Variants in BORCS5 observed in about 807,000 individuals in gnomAD.
BORCS5 encodes BLOC-1-related complex subunit 5.
In BORCS5, 17 loss-of-function variants were observed where a neutral mutation model predicts 22.1. That is an observed-to-expected ratio of 0.77 (90% CI 0.53 to 1.15). The LOEUF (loss-of-function observed/expected upper bound fraction) is 1.15. BORCS5 is among the 50% of genes most tolerant of loss of function. BORCS5 has a pLI of 0.00. For synonymous variants in BORCS5, 117 were observed against 99.8 expected, an observed-to-expected ratio of 1.17 and a Z score of -1.03; for missense variants, 247 against 253.2, an observed-to-expected ratio of 0.98 and a Z score of 0.17.
At chr12:12,420,174 T>C (rs1184541386) in intron 2 of BORCS5, among the ~76,000 whole-genome samples, 12 of 146,314 alleles carry the variant, frequency 8.2e-5, no homozygotes, top group African/African-American at 3.0e-4. Context: ...TTTTTATGGT[T>C]TTAGGTCTAA....
At chr12:12,437,282 C>A (rs1247521761) in intron 3 of BORCS5, among the ~76,000 whole-genome samples, 2 of 152,188 alleles carry the variant, frequency 1.3e-5, no homozygotes, top group African/African-American at 2.4e-5. Flanking sequence ...TGCCTGCCGC[C>A]ATGTAAGATG....
chr12:12,445,944 C>T (rs943060196), intron 3 of BORCS5, among the ~76,000 whole-genome samples: 3 of 151,790 alleles, frequency 2.0e-5, no homozygotes, highest in Non-Finnish European at 4.4e-5. Context: ...TACCTAGCTT[C>T]TGTTTTGTTT....
chr12:12,420,317 T>G (rs1451452905), intron 2 of BORCS5, among the ~76,000 whole-genome samples: 3 of 152,186 alleles, frequency 2.0e-5, no homozygotes, highest in South Asian at 2.1e-4. Flanking sequence ...TTTCCCCATT[T>G]CTTGTTTTTA....
chr12:12,452,763 A>T (rs536311708), intron 3 of BORCS5, among the ~76,000 whole-genome samples: 1 of 152,236 alleles, frequency 6.6e-6, no homozygotes, highest in Non-Finnish European at 1.5e-5. Flanking sequence ...CGTCCAGGAA[A>T]GATTCATACT....
At chr12:12,429,966 A>C (rs1942380244) in intron 2 of BORCS5, among the ~76,000 whole-genome samples, 1 of 151,958 alleles carries the variant, frequency 6.6e-6, no homozygotes, top group Admixed American at 6.6e-5. Context: ...TTTTCCTCCT[A>C]ATATCTTCCT....
intron 2 of BORCS5, among the ~76,000 whole-genome samples, chr12:12,408,576 C>A (rs781130274): frequency 2.0e-5 from 3 of 152,216 alleles, no homozygotes; most frequent in Non-Finnish European, 4.4e-5. Flanking sequence ...CCTCCCAGCC[C>A]TGGTAACCAC....
chr12:12,458,385 G>T (rs1017330665), intron 3 of BORCS5, among the ~76,000 whole-genome samples: 1 of 151,862 alleles, frequency 6.6e-6, no homozygotes, highest in African/African-American at 2.4e-5. Flanking sequence ...CCCAAATTTT[G>T]GATTTTTTCT....
intron 2 of BORCS5, among the ~76,000 whole-genome samples, chr12:12,416,900 G>A (rs139069205): frequency 1.1e-3 from 160 of 149,510 alleles, no homozygotes; most frequent in African/African-American, 3.1e-3. Context: ...TCCTGCCTCA[G>A]CCTCCAGAGC....
At position 12,468,877 on chromosome 12, in the gene BORCS5, G is replaced by T. The variant is rs1365264295; in HGVS notation, c.*3101G>T. On this transcript the variant is annotated 3_prime_UTR_variant, in exon 4 of 4. Transcript: ENST00000314565. ...TGTTTCCCTCAAAGTTTTATTCTTAGTAACGCTATATATGGTTTTATAGAC... is the reference window on the plus strand; with the variant it reads ...TGTTTCCCTCAAAGTTTTATTCTTATTAACGCTATATATGGTTTTATAGAC... 3 of 152,116 alleles carry T rather than the reference G, an allele frequency of 2.0e-5. No individual in the cohort carries two copies. Among genetic ancestry groups the T allele is most frequent in the Non-Finnish European group, 4.4e-5 (3 of 68,032 alleles). 9.4% of individuals were successfully genotyped at this position (152,116 alleles called of 1,614,324 possible). A position where few individuals can be genotyped will look rare whatever the true frequency, so the allele number is the denominator to read the frequency against.
At chr12:12,438,385 A>AACAC (rs1555156050) in intron 3 of BORCS5, among the ~76,000 whole-genome samples, 19 of 126,098 alleles carry the variant, frequency 1.5e-4, no homozygotes, top group African/African-American at 5.6e-4. Flanking sequence ...AAAAAACGAA[A>AACAC]AACAACAACA....
intron 1 of BORCS5, 35 bp downstream of exon 1, chr12:12,357,544 G>A: frequency 1.3e-6 from 2 of 1,588,128 alleles, no homozygotes; most frequent in South Asian, 1.1e-5. Context: ...CCTCCAGCCC[G>A]CCCTGTCCCC....
intron 2 of BORCS5, among the ~76,000 whole-genome samples, chr12:12,408,070 C>G (rs1235230256): frequency 1.3e-5 from 2 of 152,180 alleles, no homozygotes; most frequent in Non-Finnish European, 2.9e-5. Flanking sequence ...CCTTTTGTGT[C>G]TGGCATACTT....
chr12:12,404,062 C>T (rs1941539757), intron 2 of BORCS5, among the ~76,000 whole-genome samples: 2 of 151,930 alleles, frequency 1.3e-5, no homozygotes, highest in Admixed American at 6.6e-5. Flanking sequence ...CAAGAAGAGC[C>T]CATATCTTCA....
intron 2 of BORCS5, among the ~76,000 whole-genome samples, chr12:12,433,796 C>T (rs1356681888): frequency 1.3e-5 from 2 of 152,166 alleles, no homozygotes; most frequent in African/African-American, 4.8e-5. Context: ...CCTCGGGTTC[C>T]AGCCCTGTAT....
At chr12:12,452,660 A>G (rs1030451139) in intron 3 of BORCS5, among the ~76,000 whole-genome samples, 1 of 152,202 alleles carries the variant, frequency 6.6e-6, no homozygotes, top group African/African-American at 2.4e-5. Context: ...AGGTCACTTC[A>G]AAGTGTCCAG....
At chr12:12,455,749 A>G (rs1037274978) in intron 3 of BORCS5, among the ~76,000 whole-genome samples, 2 of 151,224 alleles carry the variant, frequency 1.3e-5, no homozygotes, top group South Asian at 4.2e-4. Context: ...ACTGCACTGC[A>G]GCATGGGCAA....
At chr12:12,383,484 A>T (rs562964052) in intron 2 of BORCS5, among the ~76,000 whole-genome samples, 2 of 151,408 alleles carry the variant, frequency 1.3e-5, no homozygotes, top group African/African-American at 4.8e-5. Flanking sequence ...TTCTTCTTGG[A>T]CTTCAGGTCC....
rs9412 is a variant in BORCS5, at chr12:12,465,963, G to A, written c.*187G>A. 251,434 of 580,990 alleles carry A rather than the reference G, an allele frequency of 0.43. 59,633 individuals are homozygous for A. Among genetic ancestry groups the A allele is most frequent in the East Asian group, 0.77 (27,143 of 35,386 alleles). 36.0% of individuals were successfully genotyped at this position (580,990 alleles called of 1,614,324 possible). A position where few individuals can be genotyped will look rare whatever the true frequency, so the allele number is the denominator to read the frequency against. ...GCTCTTTTCCTTGATGCAGTTTCCC[G>A]GTGTGGAAGGAACCTAACCAGTTCT... On this transcript the variant is annotated 3_prime_UTR_variant, in exon 4 of 4. Transcript: ENST00000314565.
chr12:12,423,574 G>C (rs1942199028), intron 2 of BORCS5, among the ~76,000 whole-genome samples: 1 of 149,764 alleles, frequency 6.7e-6, no homozygotes, highest in African/African-American at 2.5e-5. Flanking sequence ...TCTTTTAGCA[G>C]TTTACCACCT....
Sources: allele counts gnomAD v4.1 joint callset (sites outside exome capture counted in the v4.1 genomes callset), GRCh38; gene constraint gnomAD v4.1.1; transcripts MANE v1.5; gene names NCBI Gene and HGNC (gene_info 2026-07-23, HGNC 2026-07-21).